The following TMEM177 variants were observed in gnomAD, a reference collection of about 807,000 sequenced individuals.
The protein encoded by TMEM177 is transmembrane protein 177.
A neutral mutation model predicts 14.2 loss-of-function variants in TMEM177; 4 were observed. The observed-to-expected ratio is 0.28, with a 90% CI of 0.14 to 0.64. The LOEUF (loss-of-function observed/expected upper bound fraction) is 0.64. Among genes scored for constraint, TMEM177 ranks in the 30% least tolerant of loss-of-function variants. The pLI is 0.82. For synonymous variants in TMEM177, 179 were observed against 174.5 expected (o/e 1.03, Z -0.20); for missense variants, 344 against 405.2 (o/e 0.85, Z 1.30).
the TMEM177 span, among the ~76,000 whole-genome samples, chr2:119,694,749 AG>A: frequency 6.6e-6 from 1 of 152,208 alleles, no homozygotes; most frequent in Non-Finnish European, 1.5e-5. Flanking sequence ...GCCCCCGGTG[AG>A]GGTGGCGGGG....
the TMEM177 span, among the ~76,000 whole-genome samples, chr2:119,705,377 G>A: frequency 0.16 from 23,646 of 152,144 alleles, 1,962 homozygotes; most frequent in African/African-American, 0.21. Context: ...CTGGGCACAC[G>A]CTGTTGAGTA....
At chr2:119,700,085 A>G in the TMEM177 span, 1 of 259,056 alleles carries the variant, frequency 3.9e-6, no homozygotes. Context: ...CTAAACCAGA[A>G]GAGGAGGTTG....
At chr2:119,686,225 A>G (rs1689012503), downstream of TMEM177, 1 of 152,728 alleles carries the variant, frequency 6.5e-6, no homozygotes, top group Non-Finnish European at 1.5e-5. Flanking sequence ...AAGTGAAAGA[A>G]AGTTTGCAAA....
chr2:119,689,520 A>C (rs897293603), downstream of TMEM177, among the ~76,000 whole-genome samples: 1 of 152,240 alleles, frequency 6.6e-6, no homozygotes, highest in Non-Finnish European at 1.5e-5. Flanking sequence ...ATTTTGTGCC[A>C]AGTGCTTTAC....
At chr2:119,711,104 C>T in the TMEM177 span, among the ~76,000 whole-genome samples, 2 of 152,320 alleles carry the variant, frequency 1.3e-5, no homozygotes, top group South Asian at 4.1e-4. Flanking sequence ...ACCCCACCCT[C>T]ACGATAGGTG....
chr2:119,688,273 G>C (rs1689046568), downstream of TMEM177, among the ~76,000 whole-genome samples: 1 of 152,198 alleles, frequency 6.6e-6, no homozygotes, highest in South Asian at 2.1e-4. Flanking sequence ...ATGTAAAGTA[G>C]TTGTGTTATA....
chr2:119,697,911 C>G, the TMEM177 span, among the ~76,000 whole-genome samples: 618 of 152,296 alleles, frequency 4.1e-3, 2 homozygotes, highest in African/African-American at 0.014. Context: ...ATGGCTGGAG[C>G]TTAAATAGCA....
chr2:119,680,064 T>C (rs1204490007), intron 1 of TMEM177, among the ~76,000 whole-genome samples: 2 of 152,208 alleles, frequency 1.3e-5, no homozygotes, highest in South Asian at 2.1e-4. Flanking sequence ...TCACATGATC[T>C]TCCTGCTGTG....
At chr2:119,723,317 G>A in the TMEM177 span, among the ~76,000 whole-genome samples, 5 of 152,128 alleles carry the variant, frequency 3.3e-5, no homozygotes, top group African/African-American at 4.8e-5. Context: ...GGAATACTGC[G>A]GCCTGAAAGA....
At chr2:119,703,570 G>A in the TMEM177 span, among the ~76,000 whole-genome samples, 1 of 152,186 alleles carries the variant, frequency 6.6e-6, no homozygotes, top group Non-Finnish European at 1.5e-5. Flanking sequence ...TAATGACATG[G>A]GATAGTGCTC....
At chr2:119,700,040 C>A in the TMEM177 span, 2 of 286,460 alleles carry the variant, frequency 7.0e-6, no homozygotes, top group South Asian at 9.7e-5. Context: ...CCTGCCACAT[C>A]GAGATCATCC....
the TMEM177 span, among the ~76,000 whole-genome samples, chr2:119,702,397 G>A: frequency 6.6e-6 from 1 of 152,166 alleles, no homozygotes; most frequent in Non-Finnish European, 1.5e-5. Context: ...CTGGCTGCTG[G>A]CTGCTGCCCA....
chr2:119,688,029 A>G (rs1574273424), downstream of TMEM177, among the ~76,000 whole-genome samples: 1 of 152,348 alleles, frequency 6.6e-6, no homozygotes, highest in East Asian at 1.9e-4. Context: ...ACATAAAAGC[A>G]TTAGATATAA....
chr2:119,723,487 C>T, the TMEM177 span, among the ~76,000 whole-genome samples: 292 of 152,304 alleles, frequency 1.9e-3, no homozygotes, highest in Admixed American at 2.8e-3. Context: ...AGCCAAGTTC[C>T]GCCTTTTCAA....
the TMEM177 span, among the ~76,000 whole-genome samples, chr2:119,717,662 G>T: frequency 7.0e-6 from 1 of 143,240 alleles, no homozygotes; most frequent in Non-Finnish European, 1.5e-5. Flanking sequence ...AGGCTGGAGT[G>T]CAGTGGCGCA....
At chr2:119,711,006 C>G in the TMEM177 span, among the ~76,000 whole-genome samples, 1 of 152,182 alleles carries the variant, frequency 6.6e-6, no homozygotes, top group South Asian at 2.1e-4. Flanking sequence ...AGATTATCTT[C>G]CCCATTGCAC....
chr2:119,707,400 A>T, the TMEM177 span, among the ~76,000 whole-genome samples: 1 of 152,212 alleles, frequency 6.6e-6, no homozygotes, highest in Non-Finnish European at 1.5e-5. Flanking sequence ...CACCACTGGG[A>T]CCACTGTGGA....
chr2:119,680,934 G>A lies in TMEM177; in HGVS notation c.81G>A (p.Leu27=). 6.2e-7 allele frequency: 1 copy of A among 1,614,240 alleles called. No individual in the cohort carries two copies. Among genetic ancestry groups the A allele is most frequent in the Non-Finnish European group, 8.5e-7 (1 of 1,180,026 alleles). ...TCTTGGTGGGTTCCTGTGCAGGCCT[G>A]TTTGGAGTTCCAATCTCGTACCACC... ...TGLLVGSCAG[L]FGVPISYHLF... The change falls in exon 2 of 2, where the codon CTG becomes CTA. Residue 27 remains leucine (L), a synonymous_variant. Transcript: ENST00000272521.
the TMEM177 span, among the ~76,000 whole-genome samples, chr2:119,705,988 A>AT: frequency 3.2e-5 from 1 of 31,522 alleles, no homozygotes; most frequent in East Asian, 1.7e-3. Context: ...CTCTCTCTAT[A>AT]TATATATATT....
Sources: allele counts gnomAD v4.1 joint callset (sites outside exome capture counted in the v4.1 genomes callset), GRCh38; gene constraint gnomAD v4.1.1; transcripts MANE v1.5; gene names NCBI Gene and HGNC (gene_info 2026-07-23, HGNC 2026-07-21).